OPCML: variants seen among roughly 807,000 people sequenced by gnomAD.
OPCML encodes opioid-binding protein/cell adhesion molecule.
A neutral mutation model predicts 37.8 loss-of-function variants in OPCML; 13 were observed. The observed-to-expected ratio is 0.34, with a 90% confidence interval of 0.22 to 0.55. The LOEUF is 0.55. Ranked by LOEUF, OPCML falls within the 20% of genes least tolerant of loss-of-function variation. The pLI, the probability that OPCML is intolerant of heterozygous loss-of-function variation, is 0.91. For synonymous variants in OPCML, 176 were observed against 168.8 expected, an observed-to-expected ratio of 1.04 and a Z score of -0.33; for missense variants, 341 against 435.6, an observed-to-expected ratio of 0.78 and a Z score of 1.93.
At chr11:133,191,723 A>C (rs529049333) in intron 1 of OPCML, among the ~76,000 whole-genome samples, 1 of 151,974 alleles carries the variant, frequency 6.6e-6, no homozygotes, top group South Asian at 2.1e-4. Context: ...TGAGCTCCTG[A>C]CCTCAGGTGA....
chr11:132,984,246 T>C (rs1046859078), intron 1 of OPCML, among the ~76,000 whole-genome samples: 6 of 152,226 alleles, frequency 3.9e-5, no homozygotes, highest in African/African-American at 1.4e-4. Flanking sequence ...CTAAGCTGTA[T>C]TGAACACTTA....
At chr11:132,869,990 A>G (rs1230642620) in intron 2 of OPCML, among the ~76,000 whole-genome samples, 1 of 152,188 alleles carries the variant, frequency 6.6e-6, no homozygotes, top group African/African-American at 2.4e-5. Context: ...AATCATAATT[A>G]TTACTGAATT....
At chr11:132,493,444 G>A (rs1332667542) in intron 4 of OPCML, among the ~76,000 whole-genome samples, 1 of 152,158 alleles carries the variant, frequency 6.6e-6, no homozygotes, top group Non-Finnish European at 1.5e-5. Context: ...TATTTTAGAA[G>A]CATATGAATC....
chr11:132,633,425 A>G (rs895622637), intron 3 of OPCML, among the ~76,000 whole-genome samples: 1 of 152,146 alleles, frequency 6.6e-6, no homozygotes, highest in African/African-American at 2.4e-5. Flanking sequence ...GGAAATAAAA[A>G]TAGCCCTTCA....
At chr11:133,393,042 C>CTTTTT (rs55728368) in intron 1 of OPCML, among the ~76,000 whole-genome samples, 34 of 146,400 alleles carry the variant, frequency 2.3e-4, no homozygotes, top group Middle Eastern at 3.5e-3. Flanking sequence ...TGTTTAGTGA[C>CTTTTT]TTTTTTTTTT....
chr11:132,574,244 G>GTT (rs147327153), intron 3 of OPCML, among the ~76,000 whole-genome samples: 138 of 129,760 alleles, frequency 1.1e-3, no homozygotes, highest in Middle Eastern at 3.9e-3. Context: ...TAATCTTTGT[G>GTT]TTTTTTTTTT....
At chr11:133,166,076 T>A (rs1236528453) in intron 1 of OPCML, among the ~76,000 whole-genome samples, 1 of 152,212 alleles carries the variant, frequency 6.6e-6, no homozygotes, top group Non-Finnish European at 1.5e-5. Flanking sequence ...TCATTAATTG[T>A]CAGATGCTGT....
chr11:133,024,556 G>T (rs1387262148), intron 1 of OPCML: 1 of 985,130 alleles, frequency 1.0e-6, no homozygotes, highest in East Asian at 1.1e-4. Context: ...CGTAATTCAT[G>T]TACAACAAAG....
At chr11:132,703,076 C>T (rs1943893822) in intron 2 of OPCML, among the ~76,000 whole-genome samples, 1 of 152,100 alleles carries the variant, frequency 6.6e-6, no homozygotes. Flanking sequence ...GGCTAGGTTA[C>T]ACTCCTGCAT....
At chr11:133,365,870 A>T (rs567574514) in intron 1 of OPCML, 1 of 152,284 alleles carries the variant, frequency 6.6e-6, no homozygotes, top group South Asian at 2.1e-4. Flanking sequence ...TTGGAATCCA[A>T]CTTCCACTTA....
intron 1 of OPCML, among the ~76,000 whole-genome samples, chr11:133,113,913 T>C (rs1949293764): frequency 6.6e-6 from 1 of 152,230 alleles, no homozygotes; most frequent in Non-Finnish European, 1.5e-5. Flanking sequence ...GAACCATTCT[T>C]AGAAAAGCAG....
At chr11:132,552,987 A>G (rs1283727332) in intron 3 of OPCML, among the ~76,000 whole-genome samples, 1 of 151,914 alleles carries the variant, frequency 6.6e-6, no homozygotes, top group Non-Finnish European at 1.5e-5. Flanking sequence ...GATGGTCTCA[A>G]TCTCCTGACC....
chr11:132,998,968 A>G (rs144784169), intron 1 of OPCML, among the ~76,000 whole-genome samples: 18 of 152,328 alleles, frequency 1.2e-4, no homozygotes, highest in African/African-American at 4.1e-4. Flanking sequence ...AACCTTAACT[A>G]TATACACAGA....
intron 2 of OPCML, among the ~76,000 whole-genome samples, chr11:132,840,001 G>A (rs557281405): frequency 6.6e-5 from 10 of 152,066 alleles, no homozygotes; most frequent in South Asian, 2.1e-4. Flanking sequence ...AGGTCCAGGC[G>A]GGGAGGAGAA....
At chr11:132,836,363 T>C (rs1340130136) in intron 2 of OPCML, among the ~76,000 whole-genome samples, 1 of 152,224 alleles carries the variant, frequency 6.6e-6, no homozygotes, top group Admixed American at 6.5e-5. Context: ...TTGTACAGCA[T>C]GAGCCAGCTC....
intron 3 of OPCML, among the ~76,000 whole-genome samples, chr11:132,588,359 C>G (rs2096477530): frequency 6.6e-6 from 1 of 152,084 alleles, no homozygotes; most frequent in African/African-American, 2.4e-5. Context: ...AGTGTCTAGA[C>G]CAGCAGAGAT....
At chr11:133,332,811 A>C (rs1400898845) in intron 1 of OPCML, among the ~76,000 whole-genome samples, 1 of 152,136 alleles carries the variant, frequency 6.6e-6, no homozygotes, top group Non-Finnish European at 1.5e-5. Flanking sequence ...AGTCTACTTG[A>C]TCATGGTGGA....
intron 4 of OPCML, among the ~76,000 whole-genome samples, chr11:132,527,476 G>A (rs967147945): frequency 5.9e-5 from 9 of 151,868 alleles, no homozygotes; most frequent in African/African-American, 2.2e-4. Context: ...TTTATATGAT[G>A]AAGATGTTAG....
At chr11:132,701,133 T>C (rs1943796463) in intron 2 of OPCML, among the ~76,000 whole-genome samples, 1 of 152,202 alleles carries the variant, frequency 6.6e-6, no homozygotes, top group South Asian at 2.1e-4. Flanking sequence ...GGACTCATAG[T>C]TCAGCATAGC....
Sources: gnomAD v4.1 joint callset for allele counts (sites outside exome capture counted in the v4.1 genomes callset) on GRCh38, gnomAD v4.1.1 for gene constraint, MANE v1.5 for transcripts, NCBI Gene and HGNC (gene_info 2026-07-23, HGNC 2026-07-21) for gene names.